MLIP: variants seen among roughly 807,000 people sequenced by gnomAD.
MLIP encodes muscular LMNA interacting protein, also known as muscular LMNA-interacting protein.
In MLIP, 79 loss-of-function variants were observed where a neutral mutation model predicts 84.8. The ratio of observed to expected loss-of-function variants is 0.93; its 90% CI spans 0.78 to 1.12. The LOEUF (loss-of-function observed/expected upper bound fraction) is 1.12, where lower values mean the gene tolerates loss of function less well. MLIP is among the 50% of genes most tolerant of loss of function. The probability of loss-of-function intolerance (pLI) is 0.00; values close to 1 mark genes in which losing one functional copy is unlikely to be tolerated. For synonymous variants in MLIP, 504 were observed against 463.0 expected (o/e 1.09, Z -1.14); for missense variants, 1,257 against 1,160.6 (o/e 1.08, Z -1.21).
At chr6:54,098,991 C>G (rs904975265) in intron 1 of MLIP, among the ~76,000 whole-genome samples, 6 of 152,074 alleles carry the variant, frequency 3.9e-5, no homozygotes, top group African/African-American at 1.4e-4. Flanking sequence ...GCTTAAGAGT[C>G]TAGAATATCC....
chr6:54,198,414 A>C (rs1562047416), intron 10 of MLIP, among the ~76,000 whole-genome samples: 1 of 152,176 alleles, frequency 6.6e-6, no homozygotes, highest in Non-Finnish European at 1.5e-5. Flanking sequence ...AAGTTAACTA[A>C]TATTCCAAGA....
At chr6:54,040,645 C>G (rs989052144) in intron 1 of MLIP, among the ~76,000 whole-genome samples, 1 of 151,898 alleles carries the variant, frequency 6.6e-6, no homozygotes. Flanking sequence ...TTCATAATAA[C>G]AAATACATAG....
At chr6:54,258,743 T>C (rs1783189935) in intron 13 of MLIP, among the ~76,000 whole-genome samples, 1 of 152,032 alleles carries the variant, frequency 6.6e-6, no homozygotes, top group Non-Finnish European at 1.5e-5. Context: ...TTAAGTTAAC[T>C]ACTATTATTA....
chr6:54,223,364 CT>C (rs1387350602), intron 11 of MLIP, among the ~76,000 whole-genome samples: 1 of 151,718 alleles, frequency 6.6e-6, no homozygotes, highest in Non-Finnish European at 1.5e-5. Context: ...TTGTTTGCTT[CT>C]AGTAGTTATA....
chr6:54,173,096 GAAAATA>G lies in MLIP; in HGVS notation c.2544+3527_2544+3532del, dbSNP rs1775935017. On this transcript the variant is annotated intron_variant, in intron 9 of 13. Transcript: ENST00000502396. ...AACTAATATTTTGAGCTCTTACCTT[GAAAATA>G]AAGCTTGGCTATCTCATTTAAACCA... Among the ~76,000 whole-genome samples the G allele has an allele frequency of 2.0e-5, 3 of 151,726 alleles. No individual in the cohort carries two copies. The South Asian group carries it at 6.2e-4, about 31-fold the overall frequency.
In MLIP at chr6:54,266,048, A is replaced by G. The variant is rs1175707296; in HGVS notation, c.*93A>G. On this transcript the variant is annotated 3_prime_UTR_variant, in exon 14 of 14. Coordinates refer to ENST00000502396, the MANE Select transcript of MLIP (RefSeq NM_001281747.2). Reference sequence around the variant, plus strand: ...AGATTTAACTTTTTTTTTTTTTTCCAGAATGAGTGCTCCCTTTATGAGCTG... The same window carrying G: ...AGATTTAACTTTTTTTTTTTTTTCCGGAATGAGTGCTCCCTTTATGAGCTG... The G allele has an allele frequency of 1.4e-5, 17 of 1,222,420 alleles. No individual in the cohort carries two copies. Among genetic ancestry groups the G allele is most frequent in the East Asian group, 4.9e-5 (2 of 40,636 alleles). 75.7% of individuals were successfully genotyped at this position (1,222,420 alleles called of 1,614,324 possible). A position where few individuals can be genotyped will look rare whatever the true frequency, so the allele number is the denominator to read the frequency against.
upstream of MLIP, among the ~76,000 whole-genome samples, chr6:54,107,149 T>C (rs954192965): frequency 6.6e-6 from 1 of 152,222 alleles, no homozygotes. Context: ...TTTCTGAATA[T>C]CTTGTTAGGT....
At chr6:54,106,959 G>A (rs887618507), upstream of MLIP, among the ~76,000 whole-genome samples, 1 of 152,184 alleles carries the variant, frequency 6.6e-6, no homozygotes, top group African/African-American at 2.4e-5. Context: ...AAAGCAGACA[G>A]AGGAGTGTCC....
At chr6:54,079,246 T>C (rs1305702406) in intron 1 of MLIP, among the ~76,000 whole-genome samples, 1 of 152,198 alleles carries the variant, frequency 6.6e-6, no homozygotes, top group Non-Finnish European at 1.5e-5. Flanking sequence ...TAGACAATCC[T>C]CATGGGTGAA....
intron 1 of MLIP, chr6:54,058,019 G>A (rs956633716): frequency 6.6e-6 from 1 of 152,260 alleles, no homozygotes; most frequent in Admixed American, 6.5e-5. Context: ...AGAAAGCTAA[G>A]TTATAGTAGT....
intron 5 of MLIP, among the ~76,000 whole-genome samples, chr6:54,158,122 C>G (rs1458634621): frequency 6.6e-6 from 1 of 152,020 alleles, no homozygotes; most frequent in African/African-American, 2.4e-5. Flanking sequence ...GCTAATAGTT[C>G]TGGATGGAGA....
At chr6:54,188,781 G>C (rs1777642061) in intron 9 of MLIP, among the ~76,000 whole-genome samples, 1 of 149,548 alleles carries the variant, frequency 6.7e-6, no homozygotes, top group African/African-American at 2.5e-5. Context: ...AACATACCAA[G>C]ACCCCCAAAA....
At chr6:54,067,949 G>A (rs1171778158) in intron 1 of MLIP, among the ~76,000 whole-genome samples, 1 of 99,598 alleles carries the variant, frequency 1.0e-5, no homozygotes, top group African/African-American at 2.6e-5. Flanking sequence ...AACATCTGAA[G>A]CTGGGGTTTA....
Position 54,026,209 on chromosome 6 carries a change from G to A in MLIP, c.63+7118G>A, listed in dbSNP as rs533418138. Among the ~76,000 whole-genome samples, 7 of 152,220 alleles carry A rather than the reference G, an allele frequency of 4.6e-5. No individual in the cohort carries two copies. In the South Asian group the frequency reaches 1.2e-3, roughly 27 times the overall value. On this transcript the variant is annotated intron_variant, in intron 1 of 12. Coordinates refer to the MLIP transcript ENST00000274897. ...CGAGATGTCAATAAGAGGATTATATGGTTGATCTCTCTGCATCAGATATTA... is the reference window on the plus strand; with the variant it reads ...CGAGATGTCAATAAGAGGATTATATAGTTGATCTCTCTGCATCAGATATTA...
chr6:54,142,924 A>C (rs992781211), intron 4 of MLIP, among the ~76,000 whole-genome samples: 6 of 152,120 alleles, frequency 3.9e-5, no homozygotes, highest in African/African-American at 1.2e-4. Flanking sequence ...ACAACAAAAA[A>C]AAAACGCTGA....
At chr6:54,251,441 C>CAGATATATATATATATATATATATATAT (rs756859263) in intron 12 of MLIP, among the ~76,000 whole-genome samples, 2 of 88,986 alleles carry the variant, frequency 2.2e-5, no homozygotes, top group African/African-American at 1.4e-4. Flanking sequence ...TGAAACAAGC[C>CAGATATATATATATATATATATATATAT]ATATATATAT....
At chr6:54,097,010 G>C (rs998142976) in intron 1 of MLIP, among the ~76,000 whole-genome samples, 2 of 152,164 alleles carry the variant, frequency 1.3e-5, no homozygotes, top group African/African-American at 4.8e-5. Flanking sequence ...CTGAGCCGAA[G>C]CAAGTAGTGC....
intron 1 of MLIP, among the ~76,000 whole-genome samples, chr6:54,054,972 C>G (rs941180376): frequency 1.3e-5 from 2 of 152,078 alleles, no homozygotes; most frequent in South Asian, 2.1e-4. Context: ...ACTACAAGCT[C>G]CGCCTCCTGG....
intron 10 of MLIP, among the ~76,000 whole-genome samples, chr6:54,194,130 A>G (rs982918736): frequency 6.6e-6 from 1 of 152,210 alleles, no homozygotes; most frequent in African/African-American, 2.4e-5. Context: ...AACACTATTA[A>G]GAAGAGTGCT....
Sources: allele counts gnomAD v4.1 joint callset (sites outside exome capture counted in the v4.1 genomes callset), GRCh38; gene constraint gnomAD v4.1.1; transcripts MANE v1.5; gene names NCBI Gene and HGNC (gene_info 2026-07-23, HGNC 2026-07-21).